CTNND1: variants seen among roughly 807,000 people sequenced by gnomAD.
The protein encoded by CTNND1 is catenin delta 1, also known as catenin delta-1.
A neutral mutation model predicts 112.1 loss-of-function variants in CTNND1; 16 were observed. The ratio of observed to expected loss-of-function variants is 0.14; its 90% confidence interval spans 0.10 to 0.22. The LOEUF (loss-of-function observed/expected upper bound fraction) is 0.22, where lower values mean the gene tolerates loss of function less well. Ranked by LOEUF, CTNND1 falls within the 10% of genes least tolerant of loss-of-function variation. CTNND1 has a pLI of 1.00. For synonymous variants in CTNND1, 420 were observed against 446.5 expected (o/e 0.94, Z 0.75); for missense variants, 1,008 against 1,257.0 (o/e 0.80, Z 3.00).
At chr11:57,764,827 C>T (rs747418882) in intron 1 of CTNND1, among the ~76,000 whole-genome samples, 2 of 152,162 alleles carry the variant, frequency 1.3e-5, no homozygotes, top group Non-Finnish European at 2.9e-5. Flanking sequence ...CGAACTAAAA[C>T]GAGCCCTTGC....
chr11:57,777,613 T>C (rs2136221123), intron 1 of CTNND1, among the ~76,000 whole-genome samples: 1 of 152,302 alleles, frequency 6.6e-6, no homozygotes, highest in South Asian at 2.1e-4. Context: ...CTTAGTTCCT[T>C]TGTATCATGT....
At chr11:57,809,647 T>C (rs1044898256) in intron 15 of CTNND1, among the ~76,000 whole-genome samples, 181 bp downstream of exon 15, 9 of 152,258 alleles carry the variant, frequency 5.9e-5, no homozygotes, top group African/African-American at 2.2e-4. Flanking sequence ...GTCAAACTTT[T>C]CTTGTGTCGC....
chr11:57,775,346 A>G (rs192246499), intron 1 of CTNND1, among the ~76,000 whole-genome samples: 1 of 137,502 alleles, frequency 7.3e-6, no homozygotes, highest in African/African-American at 2.5e-5. Flanking sequence ...AAAAAAAAAA[A>G]CAACACACAC....
chr11:57,809,638 T>C (rs775747312), intron 15 of CTNND1, among the ~76,000 whole-genome samples, 172 bp downstream of exon 15: 1 of 152,254 alleles, frequency 6.6e-6, no homozygotes, highest in Non-Finnish European at 1.5e-5. Context: ...TAGATTCATG[T>C]CAAACTTTTC....
intron 12 of CTNND1, among the ~76,000 whole-genome samples, chr11:57,807,731 G>A (rs1436286918): frequency 1.3e-5 from 2 of 149,864 alleles, no homozygotes; most frequent in African/African-American, 4.9e-5. Flanking sequence ...TATAAAAATT[G>A]TAAACGTTTA....
chr11:57,805,898 T>C lies in CTNND1; in HGVS notation c.1739T>C (p.Val580Ala). 3 of 1,613,902 alleles carry C rather than the reference T, an allele frequency of 1.9e-6. No homozygotes were observed. The highest frequency in any genetic ancestry group is 2.5e-6 in the Non-Finnish European group (3 of 1,179,830). ...DSDSKLVENC[V>A]CLLRNLSYQV... ...GTCCCTAAGCTTGTAGAGAACTGTG[T>C]TTGCCTTCTTCGGAACTTATCATAT... is the stretch of plus-strand genomic sequence containing the variant. The change falls in exon 10 of 21, where the codon GTT (valine) becomes GCT (alanine). Residue 580 changes from valine (V) to alanine (A), a missense_variant. This residue lies in a region of CTNND1 where 216 missense variants were observed against 342.8 expected (regional missense o/e 0.63). Transcript: ENST00000399050.
At chr11:57,792,832 A>AT (rs35942817) in intron 3 of CTNND1, among the ~76,000 whole-genome samples, 256 of 140,380 alleles carry the variant, frequency 1.8e-3, no homozygotes, top group African/African-American at 6.4e-3. Flanking sequence ...CGGCTGAGTG[A>AT]TTTTTTTTTT....
intron 19 of CTNND1, 84 bp downstream of exon 19, chr11:57,815,584 A>G (rs1304455942): frequency 2.6e-6 from 3 of 1,158,022 alleles, no homozygotes; most frequent in Non-Finnish European, 3.9e-6. Context: ...AAAAAAAAGT[A>G]CAGAGAAAGA....
chr11:57,770,554 G>A (rs182896091), intron 1 of CTNND1, among the ~76,000 whole-genome samples: 1 of 152,022 alleles, frequency 6.6e-6, no homozygotes, highest in African/African-American at 2.4e-5. Flanking sequence ...TCAGGAGGCT[G>A]AGGCAGAAGA....
Position 57,806,451 on chromosome 11 carries a change from G to A in CTNND1, c.1877-10G>A. On this transcript the variant is annotated splice_polypyrimidine_tract_variant and intron_variant, in intron 10 of 20. Coordinates refer to ENST00000399050, the MANE Select transcript of CTNND1 (RefSeq NM_001085458.2). ...TTCTCTGCTTTCTACCTTGGGTGAT[G>A]CACTGGAAGATGAGTGGTTCTCCAG... The A allele has an allele frequency of 6.2e-7, 1 of 1,601,050 alleles. No individual in the cohort carries two copies. Among genetic ancestry groups the A allele is most frequent in the Non-Finnish European group, 8.5e-7 (1 of 1,172,648 alleles).
intron 1 of CTNND1, among the ~76,000 whole-genome samples, chr11:57,765,768 C>T (rs905755201): frequency 6.6e-6 from 1 of 152,084 alleles, no homozygotes; most frequent in Admixed American, 6.6e-5. Context: ...ACACCTGGCC[C>T]TCCCTTATAT....
chr11:57,814,033 G>T, intron 17 of CTNND1: 1 of 317,420 alleles, frequency 3.2e-6, no homozygotes. Context: ...AGTCTGTAGG[G>T]GCCAGGTGTG....
intron 6 of CTNND1, among the ~76,000 whole-genome samples, chr11:57,799,445 G>A (rs1158849852): frequency 6.6e-6 from 1 of 152,166 alleles, no homozygotes. Context: ...CACTGGACTT[G>A]GAAACCTGCT....
At position 57,796,797 on chromosome 11, in the gene CTNND1, A is replaced by G. The variant is rs748107990; in HGVS notation, c.761A>G (p.Gln254Arg). ...SMEGYRAPSR[Q>R]DVYGPQPQVR... Reference sequence around the variant, plus strand: ...GAAGGCTACCGGGCACCTAGTAGACAGGATGTGTATGGGCCCCAACCCCAG... The same window carrying G: ...GAAGGCTACCGGGCACCTAGTAGACGGGATGTGTATGGGCCCCAACCCCAG... The change falls in exon 6 of 21, where the codon CAG (glutamine) becomes CGG (arginine). Residue 254 changes from glutamine to arginine, a missense_variant. Gln to Arg is a conservative substitution (Grantham distance 43, BLOSUM62 1). Transcript: ENST00000399050. The G allele has an allele frequency of 1.2e-6, 2 of 1,610,030 alleles. No homozygotes were observed. The highest frequency in any genetic ancestry group is 1.7e-5 in the Admixed American group (1 of 59,832).
At chr11:57,816,111 C>T in intron 20 of CTNND1, 110 bp downstream of exon 20, 2 of 1,150,164 alleles carry the variant, frequency 1.7e-6, no homozygotes, top group East Asian at 5.0e-5. Flanking sequence ...GTAGTCTCAG[C>T]CACATGGGGC....
rs1243183663 is a variant in CTNND1, at chr11:57,819,499, T to C, written c.*3191T>C. Reference sequence around the variant, plus strand: ...CTACTCTTCTCTCTTCCTTCTGGATTGGTCCATTTGTTTATCTCATTCAAT... The same window carrying C: ...CTACTCTTCTCTCTTCCTTCTGGATCGGTCCATTTGTTTATCTCATTCAAT... On this transcript the variant is annotated 3_prime_UTR_variant, in exon 21 of 21. Transcript: ENST00000399050. 6.6e-6 allele frequency: 1 copy of C among 152,222 alleles called. No homozygotes were observed. The highest frequency in any genetic ancestry group is 1.5e-5 in the Non-Finnish European group (1 of 68,042). The allele number at this position is 152,222 out of a possible 1,614,324, so 9.4% of individuals were successfully genotyped here. A position where few individuals can be genotyped will look rare whatever the true frequency, so the allele number is the denominator to read the frequency against.
chr11:57,776,126 C>A (rs959259023), intron 1 of CTNND1, among the ~76,000 whole-genome samples: 1 of 152,202 alleles, frequency 6.6e-6, no homozygotes, highest in African/African-American at 2.4e-5. Flanking sequence ...AGCATTCCTT[C>A]TAAGTGGGGC....
At position 57,816,551 on chromosome 11, in the gene CTNND1, A is replaced by T; in HGVS notation, c.*243A>T. On this transcript the variant is annotated 3_prime_UTR_variant, in exon 21 of 21. Transcript: ENST00000399050. ...ATTTTTCTCCCAAGAAACCTGACTC[A>T]ATTATTTGCATATTTTGAGAAACTG... 1 of 561,636 alleles carries T rather than the reference A, an allele frequency of 1.8e-6. No individual in the cohort carries two copies. Among genetic ancestry groups the T allele is most frequent in the Non-Finnish European group, 3.2e-6 (1 of 315,892 alleles). 34.8% of individuals were successfully genotyped at this position (561,636 alleles called of 1,614,324 possible). A position where few individuals can be genotyped will look rare whatever the true frequency, so the allele number is the denominator to read the frequency against.
Position 57,791,469 on chromosome 11 carries a change from C to T in CTNND1, c.-10C>T. 6.7e-7 allele frequency: 1 copy of T among 1,492,608 alleles called. No individual in the cohort carries two copies. The highest frequency in any genetic ancestry group is 2.4e-5 in the Admixed American group (1 of 41,578). The allele number at this position is 1,492,608 out of a possible 1,614,324, so 92.5% of individuals were successfully genotyped here. ...TACCCTGCCCTGCGGCGGCTCCGCCCCTTACCTTCATGGACGACTCAGAGG... is the reference window on the plus strand; with the variant it reads ...TACCCTGCCCTGCGGCGGCTCCGCCTCTTACCTTCATGGACGACTCAGAGG... On this transcript the variant is annotated 5_prime_UTR_variant, in exon 3 of 21. Coordinates refer to ENST00000399050, the MANE Select transcript of CTNND1 (RefSeq NM_001085458.2).
Sources: gnomAD v4.1 joint callset for allele counts (sites outside exome capture counted in the v4.1 genomes callset) on GRCh38, gnomAD v4.1.1 for gene constraint, gnomAD v4.1.1 regional missense constraint, MANE v1.5 for transcripts, NCBI Gene and HGNC (gene_info 2026-07-23, HGNC 2026-07-21) for gene names.